INVS: variants seen among roughly 807,000 people sequenced by gnomAD.
INVS encodes inversion of embryo turning homolog.
A neutral mutation model predicts 108.8 loss-of-function variants in INVS; 86 were observed. The observed-to-expected ratio is 0.79, with a 90% confidence interval of 0.66 to 0.95. The LOEUF (loss-of-function observed/expected upper bound fraction) is 0.95, where lower values mean the gene tolerates loss of function less well. INVS is among the 40% of genes least tolerant of loss of function. The probability of loss-of-function intolerance (pLI) is 0.00; values close to 1 mark genes in which losing one functional copy is unlikely to be tolerated. For synonymous variants in INVS, 455 were observed against 473.5 expected (o/e 0.96, Z 0.51); for missense variants, 1,169 against 1,297.4 (o/e 0.90, Z 1.52).
intron 13 of INVS, among the ~76,000 whole-genome samples, chr9:100,285,727 A>G (rs1019346481): frequency 2.6e-5 from 4 of 152,242 alleles, no homozygotes; most frequent in Admixed American, 6.5e-5. Context: ...TCTTTTGTTG[A>G]CAAAGAAAGC....
intron 3 of INVS, among the ~76,000 whole-genome samples, chr9:100,157,267 C>CTTTTTTTTTTTTTTTT (rs770493291): frequency 5.4e-5 from 7 of 130,098 alleles, no homozygotes; most frequent in African/African-American, 1.6e-4. Flanking sequence ...TCTTTTTTTT[C>CTTTTTTTTTTTTTTTT]TTTTTTTTTT....
At chr9:100,140,352 GGTT>G (rs765535602) in intron 3 of INVS, among the ~76,000 whole-genome samples, 4 of 152,108 alleles carry the variant, frequency 2.6e-5, no homozygotes, top group Non-Finnish European at 4.4e-5. Flanking sequence ...GTCAAAGGGG[GGTT>G]GTTCTCTGGC....
intron 3 of INVS, among the ~76,000 whole-genome samples, chr9:100,146,976 T>A (rs926024578): frequency 2.0e-5 from 3 of 152,234 alleles, no homozygotes. Flanking sequence ...TGTATTCTTT[T>A]AGTCACTGGA....
chr9:100,126,629 GATA>G, intron 3 of INVS, 80 bp downstream of exon 3: 3 of 1,333,834 alleles, frequency 2.2e-6, no homozygotes, highest in Non-Finnish European at 3.2e-6. Flanking sequence ...GCAATGGACA[GATA>G]ATAAAGAAGT....
In INVS at chr9:100,246,882, G is replaced by T. The variant is rs1040324881; in HGVS notation, c.1078+95G>T. On this transcript the variant is annotated intron_variant, in intron 8 of 16. Transcript: ENST00000262457. ...TGTAAAATAGCAACTTGAAATCATT[G>T]TTCCTAATCTAATATTGTTTGACTT... The T allele has an allele frequency of 3.6e-6, 4 of 1,115,006 alleles. No homozygotes were observed. The African/African-American group carries it at 6.1e-5, about 17-fold the overall frequency. The allele number at this position is 1,115,006 out of a possible 1,614,324, so 69.1% of individuals were successfully genotyped here. A position where few individuals can be genotyped will look rare whatever the true frequency, so the allele number is the denominator to read the frequency against.
chr9:100,245,982 T>C (rs2118523839), intron 7 of INVS, among the ~76,000 whole-genome samples: 4 of 152,096 alleles, frequency 2.6e-5, no homozygotes, highest in Middle Eastern at 6.8e-3. Context: ...TTTGCCAACA[T>C]GGTAAAACCC....
At chr9:100,170,217 G>C (rs937724930) in intron 3 of INVS, among the ~76,000 whole-genome samples, 1 of 152,122 alleles carries the variant, frequency 6.6e-6, no homozygotes, top group African/African-American at 2.4e-5. Flanking sequence ...ATCTGTGGAA[G>C]TATAGTTGTG....
At chr9:100,283,789 A>G (rs745807309) in intron 12 of INVS, among the ~76,000 whole-genome samples, 12 of 152,228 alleles carry the variant, frequency 7.9e-5, no homozygotes, top group Non-Finnish European at 1.6e-4. Context: ...AGAGCTGTCA[A>G]CGGCAGCATC....
intron 3 of INVS, among the ~76,000 whole-genome samples, chr9:100,177,071 T>C (rs189219208): frequency 4.6e-4 from 70 of 151,616 alleles, no homozygotes; most frequent in African/African-American, 1.5e-3. Context: ...CACTGTGCCA[T>C]GAGCAACGGT....
intron 10 of INVS, among the ~76,000 whole-genome samples, chr9:100,262,947 C>T (rs1401498103): frequency 1.3e-5 from 2 of 152,096 alleles, no homozygotes; most frequent in South Asian, 2.1e-4. Flanking sequence ...AGGGGTTTCA[C>T]CATGTTGCCC....
rs574629047 is a variant in INVS at position 100,150,645 on chromosome 9, C to T, written c.273+24096C>T. Among the ~76,000 whole-genome samples, 18 of 152,142 alleles carry T rather than the reference C, an allele frequency of 1.2e-4. No individual in the cohort carries two copies. In the South Asian group the frequency reaches 3.7e-3, roughly 32 times the overall value. On this transcript the variant is annotated intron_variant, in intron 3 of 16. Transcript: ENST00000262457. ...TTTCTAATTACCTTATGTCATAGGGCCATTATTTGTTTATGTAATTTCCTC... is the reference window on the plus strand; with the variant it reads ...TTTCTAATTACCTTATGTCATAGGGTCATTATTTGTTTATGTAATTTCCTC...
intron 16 of INVS, among the ~76,000 whole-genome samples, chr9:100,298,648 A>G (rs891179115): frequency 1.3e-5 from 2 of 152,222 alleles, no homozygotes; most frequent in South Asian, 4.1e-4. Flanking sequence ...GTCATCCTGG[A>G]GGAACAGAGT....
intron 8 of INVS, among the ~76,000 whole-genome samples, chr9:100,251,897 GGTT>G (rs1564176335): frequency 6.6e-6 from 1 of 152,140 alleles, no homozygotes; most frequent in African/African-American, 2.4e-5. Context: ...TTATTGAGTG[GGTT>G]GTTGGGCAGA....
At position 100,247,910 on chromosome 9, in the gene INVS, G is replaced by A. The variant is rs368010685; in HGVS notation, c.1078+1123G>A. On this transcript the variant is annotated intron_variant, in intron 8 of 16. Transcript: ENST00000262457. ...TGCAACCTCTGCCTCCCAGGTTCAA[G>A]CAAGTCTCCTGCCTCAGCCTCCCAA... Among the ~76,000 whole-genome samples the A allele has an allele frequency of 3.8e-3, 573 of 152,206 alleles. 4 individuals are homozygous for A. The highest frequency in any genetic ancestry group is 0.013 in the African/African-American group (521 of 41,512).
chr9:100,230,834 T>C (rs1346912270), intron 5 of INVS, among the ~76,000 whole-genome samples: 1 of 152,216 alleles, frequency 6.6e-6, no homozygotes, highest in Non-Finnish European at 1.5e-5. Context: ...ATTTTATCTA[T>C]GTTGCTGCAT....
chr9:100,236,185 G>C (rs188675735), intron 5 of INVS, among the ~76,000 whole-genome samples: 181 of 152,228 alleles, frequency 1.2e-3, no homozygotes, highest in Non-Finnish European at 2.2e-3. Flanking sequence ...CGAAGTTCTC[G>C]TGCTGTGTTT....
At chr9:100,277,269 T>C (rs1833141028) in intron 12 of INVS, among the ~76,000 whole-genome samples, 1 of 152,232 alleles carries the variant, frequency 6.6e-6, no homozygotes, top group Non-Finnish European at 1.5e-5. Context: ...AAAAAACTGC[T>C]CATAACACTT....
chr9:100,152,270 C>G (rs1828832023), intron 3 of INVS, among the ~76,000 whole-genome samples: 1 of 152,110 alleles, frequency 6.6e-6, no homozygotes, highest in African/African-American at 2.4e-5. Context: ...TCAATCAATG[C>G]TTGCTGAATT....
At chr9:100,124,036 A>G (rs1029509411) in intron 2 of INVS, among the ~76,000 whole-genome samples, 2 of 152,072 alleles carry the variant, frequency 1.3e-5, no homozygotes, top group African/African-American at 4.8e-5. Context: ...CTTGAACTCT[A>G]GGCCTCAAGT....
Sources: allele counts gnomAD v4.1 joint callset (sites outside exome capture counted in the v4.1 genomes callset), GRCh38; gene constraint gnomAD v4.1.1; transcripts MANE v1.5; gene names NCBI Gene and HGNC (gene_info 2026-07-23, HGNC 2026-07-21).